Variants in SLC44A4 observed in about 807,000 individuals in gnomAD.
The protein encoded by SLC44A4 is choline transporter-like protein 4.
A neutral mutation model predicts 97.0 loss-of-function variants in SLC44A4; 74 were observed. That is an observed-to-expected ratio of 0.76 (90% CI 0.63 to 0.93). SLC44A4 has a LOEUF of 0.93. Ranked by LOEUF, SLC44A4 falls within the 40% of genes least tolerant of loss-of-function variation. The pLI, the probability that SLC44A4 is intolerant of heterozygous loss-of-function variation, is 0.00. For missense variants in SLC44A4, 799 were observed against 902.9 expected (o/e 0.88, Z 1.48); for synonymous variants, 325 against 363.8 (o/e 0.89, Z 1.21).
intron 13 of SLC44A4, among the ~76,000 whole-genome samples, chr6:31,866,594 A>AG (rs1325789260): frequency 1.3e-5 from 2 of 152,142 alleles, no homozygotes; most frequent in Admixed American, 1.3e-4. Context: ...AAAAGTCTCC[A>AG]GAAAAAAAAA....
Position 31,865,729 on chromosome 6 carries a change from CT to C in SLC44A4, c.1542del (p.Ile514MetfsTer20), listed in dbSNP as rs1309340057. On this transcript the variant is annotated frameshift_variant, in exon 15 of 21. Transcript: ENST00000229729. LOFTEE classifies it high-confidence loss of function. This position sits in a 1 kb window ranked among gnomAD's most constrained non-coding sequence, Gnocchi z 5.2. ...TCAATATACTCCAAGATGACCCGGG[CT>C]ATCTGCACAAGGGTCAGGATGAGGG... ...FGALILTLVQIARVILEYIDH... is the reference protein window; with the variant it reads ...FGALILTLVQXARVILEYIDH... 4 of 1,613,482 alleles carry C rather than the reference CT, an allele frequency of 2.5e-6. No individual in the cohort carries two copies. Among genetic ancestry groups the C allele is most frequent in the Non-Finnish European group, 3.4e-6 (4 of 1,179,972 alleles).
rs200029752 is a variant in SLC44A4 at position 31,870,947 on chromosome 6, C to T, written c.802G>A (p.Val268Met). 2.6e-5 allele frequency: 42 copies of T among 1,612,888 alleles called. No individual in the cohort carries two copies. Among genetic ancestry groups the T allele is most frequent in the East Asian group, 4.5e-5 (2 of 44,894 alleles). ...VLVLILGVLG[V>M]LAYGIYYCWE... ...CAGTAGTAGATGCCGTATGCCAGCACGCCCAGCACTCCCAGGATCAGCACC... is the reference window on the plus strand; with the variant it reads ...CAGTAGTAGATGCCGTATGCCAGCATGCCCAGCACTCCCAGGATCAGCACC... The change falls in exon 10 of 21, where the codon GTG becomes ATG. Residue 268 changes from valine to methionine, a missense_variant. This residue lies in a region of SLC44A4 where 409 missense variants were observed against 434.1 expected (regional missense o/e 0.94). Transcript: ENST00000229729.
intron 20 of SLC44A4, chr6:31,864,423 A>T: frequency 1.7e-6 from 1 of 595,626 alleles, no homozygotes; most frequent in Non-Finnish European, 3.0e-6. Context: ...GATAGCAGAG[A>T]CCTCTCCATC....
intron 13 of SLC44A4, among the ~76,000 whole-genome samples, chr6:31,866,849 G>A (rs1327890539): frequency 6.6e-6 from 1 of 150,904 alleles, no homozygotes; most frequent in Non-Finnish European, 1.5e-5. Context: ...GGCCGAGATC[G>A]CGCCACTGCA....
At position 31,874,659 on chromosome 6, in the gene SLC44A4, T is replaced by C; in HGVS notation, c.468+62A>G. The C allele has an allele frequency of 2.6e-6, 4 of 1,566,242 alleles. No individual in the cohort carries two copies. Among genetic ancestry groups the C allele is most frequent in the Non-Finnish European group, 3.5e-6 (4 of 1,156,490 alleles). Reference sequence around the variant, plus strand: ...TGGTGATGATCTACCCAACTCCCCCTCCCTCTCGTGCCCACCCTGGCCCTT... The same window carrying C: ...TGGTGATGATCTACCCAACTCCCCCCCCCTCTCGTGCCCACCCTGGCCCTT... On this transcript the variant is annotated intron_variant, in intron 6 of 20. Coordinates refer to ENST00000229729, the MANE Select transcript of SLC44A4 (RefSeq NM_025257.3). This position sits in a 1 kb window ranked among gnomAD's most constrained non-coding sequence, Gnocchi z 4.8.
Position 31,878,812 on chromosome 6 carries a change from C to T in SLC44A4, c.40+129G>A. ...CTCCCTCCCTCCATGGCTCCCGGTTCCCGGGCCCTCCCCTCAGGGACACAG... is the reference window on the plus strand; with the variant it reads ...CTCCCTCCCTCCATGGCTCCCGGTTTCCGGGCCCTCCCCTCAGGGACACAG... On this transcript the variant is annotated intron_variant, in intron 1 of 20. Transcript: ENST00000229729. The surrounding 1 kb of genome is among the most constrained non-coding windows in gnomAD (Gnocchi z 4.0). The T allele has an allele frequency of 8.7e-7, 1 of 1,149,392 alleles. No homozygotes were observed. Among genetic ancestry groups the T allele is most frequent in the East Asian group, 2.4e-5 (1 of 41,938 alleles). The allele number at this position is 1,149,392 out of a possible 1,614,324, so 71.2% of individuals were successfully genotyped here. A position where few individuals can be genotyped will look rare whatever the true frequency, so the allele number is the denominator to read the frequency against.
chr6:31,871,495 G>C lies in SLC44A4; in HGVS notation c.596C>G (p.Thr199Ser). 6.2e-7 allele frequency: 1 copy of C among 1,614,000 alleles called. No homozygotes were observed. The highest frequency in any genetic ancestry group is 1.3e-5 in the African/African-American group (1 of 75,016). Reference protein sequence around the residue: ...PPALPGITNDTTIQQGISGLI... With the variant: ...PPALPGITNDSTIQQGISGLI... ...CTACCTGATCCCCTGCTGTATGGTG[G>C]TGTCATTGGTGATCCCTGGGAGCGC... The change falls in exon 8 of 21, where the codon ACC becomes AGC. Residue 199 changes from threonine to serine, a missense_variant. Physicochemically the swap from Thr to Ser is moderately conservative, Grantham distance 58. Transcript: ENST00000229729.
intron 13 of SLC44A4, among the ~76,000 whole-genome samples, chr6:31,867,879 G>A (rs1030833597): frequency 1.4e-4 from 21 of 147,846 alleles, no homozygotes; most frequent in African/African-American, 4.6e-4. Flanking sequence ...GTGCAATGGC[G>A]CGATCTCAGC....
chr6:31,872,452 C>A (rs979263858), intron 7 of SLC44A4, among the ~76,000 whole-genome samples: 1 of 151,758 alleles, frequency 6.6e-6, no homozygotes, highest in African/African-American at 2.4e-5. Context: ...CCCAGGCTGG[C>A]CTCAAACTCC....
Position 31,865,967 on chromosome 6 carries a change from G to A in SLC44A4, c.1393C>T (p.Leu465Phe). The A allele has an allele frequency of 6.2e-7, 1 of 1,614,216 alleles. No individual in the cohort carries two copies. The highest frequency in any genetic ancestry group is 8.5e-7 in the Non-Finnish European group (1 of 1,180,028). ...TAGAAGGAGGCAAAGGCTCCAGCGA[G>A]GACGCATTGGCCCAGGGCCAGTACC... ...NWVLALGQCV[L>F]AGAFASFYWA... is the part of the protein sequence containing the mutation. The change falls in exon 14 of 21, where the codon CTC becomes TTC. Residue 465 changes from leucine (L) to phenylalanine (F), a missense_variant. Coordinates refer to ENST00000229729, the MANE Select transcript of SLC44A4 (RefSeq NM_025257.3). This position sits in a 1 kb window ranked among gnomAD's most constrained non-coding sequence, Gnocchi z 5.2.
chr6:31,876,008 T>C lies in SLC44A4; in HGVS notation c.163+48A>G, dbSNP rs1562458149. ...GTTATGGGAATGGTCCCTCCCTGGG[T>C]TCCTGTCCCTCACCCACTGCCCTGG... On this transcript the variant is annotated intron_variant, in intron 3 of 20. Coordinates refer to ENST00000229729, the MANE Select transcript of SLC44A4 (RefSeq NM_025257.3). This position sits in a 1 kb window ranked among gnomAD's most constrained non-coding sequence, Gnocchi z 4.8. The C allele has an allele frequency of 6.2e-7, 1 of 1,612,748 alleles. No individual in the cohort carries two copies. Among genetic ancestry groups the C allele is most frequent in the Admixed American group, 1.7e-5 (1 of 60,000 alleles).
At chr6:31,873,862 T>C (rs529742498) in intron 7 of SLC44A4, among the ~76,000 whole-genome samples, 22 of 152,082 alleles carry the variant, frequency 1.4e-4, no homozygotes, top group African/African-American at 5.1e-4. Flanking sequence ...ATCACGAAGT[T>C]AGGAGTTCAA....
intron 10 of SLC44A4, 30 bp downstream of exon 10, chr6:31,870,782 T>C (rs1280131536): frequency 6.8e-6 from 11 of 1,612,348 alleles, no homozygotes; most frequent in Non-Finnish European, 9.3e-6. Context: ...CTTGGGCAGC[T>C]GGTGGCTTGG....
Position 31,871,011 on chromosome 6 carries a change from A to G in SLC44A4, c.738T>C (p.Phe246=). Residue 246 remains phenylalanine (F), a synonymous_variant, in exon 10 of 21, where the codon TTT becomes TTC. Transcript: ENST00000229729. The part of the protein sequence containing the change: ...LGVALVLSLL[F]ILLLRLVAGP... Reference sequence around the variant, plus strand: ...CAGCCACCAGGCGCAGAAGCAAGATAAACAGTAGGCTCAAGACCAGAGCCA... The same window carrying G: ...CAGCCACCAGGCGCAGAAGCAAGATGAACAGTAGGCTCAAGACCAGAGCCA... 1 of 1,612,118 alleles carries G rather than the reference A, an allele frequency of 6.2e-7. No individual in the cohort carries two copies. The highest frequency in any genetic ancestry group is 1.6e-4 in the Middle Eastern group (1 of 6,062).
At chr6:31,875,084 G>A (rs1763376470) in intron 4 of SLC44A4, 56 bp from the exon 5 acceptor site, 11 of 1,407,140 alleles carry the variant, frequency 7.8e-6, no homozygotes, top group Non-Finnish European at 1.0e-5. Flanking sequence ...TGGGGGAGGG[G>A]AGGGACCACT....
rs556027159 is a variant in SLC44A4 at position 31,865,009 on chromosome 6, C to A, written c.1831+1G>T. On this transcript the variant is annotated splice_donor_variant, in intron 18 of 20. Transcript: ENST00000229729. LOFTEE classifies it high-confidence loss of function. The surrounding 1 kb of genome is among the most constrained non-coding windows in gnomAD (Gnocchi z 5.2). ...TGTCCCCACAGCTTCTGGTCCCTTA[C>A]CCACGCCTCCGACCACCAGCAGCTT... 1 of 1,613,932 alleles carries A rather than the reference C, an allele frequency of 6.2e-7. No individual in the cohort carries two copies. Among genetic ancestry groups the A allele is most frequent in the South Asian group, 1.1e-5 (1 of 91,084 alleles).
intron 13 of SLC44A4, among the ~76,000 whole-genome samples, chr6:31,867,277 G>A (rs1750189449): frequency 6.6e-6 from 1 of 150,618 alleles, no homozygotes; most frequent in Non-Finnish European, 1.5e-5. Flanking sequence ...TTTTGAGATG[G>A]AGTCTCACTC....
rs1029708514 is a variant in SLC44A4 at position 31,875,132 on chromosome 6, C to T, written c.243-104G>A. The T allele has an allele frequency of 9.1e-6, 8 of 876,882 alleles. No individual in the cohort carries two copies. The African/African-American group carries it at 9.8e-5, about 11-fold the overall frequency. 54.3% of individuals were successfully genotyped at this position (876,882 alleles called of 1,614,324 possible). ...CAAGAATACAGTGGGCCCAGCCCAGCGTGGCCCATACCAGTCACCTCCCAG... is the reference window on the plus strand; with the variant it reads ...CAAGAATACAGTGGGCCCAGCCCAGTGTGGCCCATACCAGTCACCTCCCAG... On this transcript the variant is annotated intron_variant, in intron 4 of 20. Transcript: ENST00000229729.
intron 10 of SLC44A4, 50 bp from the exon 11 acceptor site, chr6:31,870,752 G>C (rs986315287): frequency 3.1e-6 from 5 of 1,611,128 alleles, no homozygotes; most frequent in Non-Finnish European, 4.2e-6. Context: ...GGCTGGGGCC[G>C]GGCATGGCCC....
Sources: gnomAD v4.1 joint callset for allele counts (sites outside exome capture counted in the v4.1 genomes callset) on GRCh38, gnomAD v4.1.1 for gene constraint, gnomAD v4.1.1 regional missense constraint, Gnocchi (gnomAD v3.1) non-coding constraint, MANE v1.5 for transcripts, NCBI Gene and HGNC (gene_info 2026-07-23, HGNC 2026-07-21) for gene names.